IL1RAPL1: variants seen among roughly 807,000 people sequenced by gnomAD.
IL1RAPL1 encodes the protein interleukin-1 receptor accessory protein-like 1.
A neutral mutation model predicts 48.4 loss-of-function variants in IL1RAPL1; 3 were observed. The observed-to-expected ratio is 0.06, with a 90% CI of 0.03 to 0.16. The LOEUF is 0.16. IL1RAPL1 is among the 10% of genes least tolerant of loss of function. The probability of loss-of-function intolerance (pLI) is 1.00; values close to 1 mark genes in which losing one functional copy is unlikely to be tolerated. For missense variants in IL1RAPL1, 349 were observed against 530.6 expected, an observed-to-expected ratio of 0.66 and a Z score of 3.36; for synonymous variants, 185 against 187.7, an observed-to-expected ratio of 0.99 and a Z score of 0.12.
At chrX:29,665,015 T>A (rs145599327) in intron 5 of IL1RAPL1, among the ~76,000 whole-genome samples, 9,220 of 112,403 alleles carry the variant, frequency 0.082, 313 homozygotes, top group Middle Eastern at 0.2. Context: ...TAATAGGATG[T>A]TCTGAAGAAT....
At chrX:28,696,166 A>G (rs941846058) in intron 1 of IL1RAPL1, among the ~76,000 whole-genome samples, 1 of 111,014 alleles carries the variant, frequency 9.0e-6, no homozygotes, top group African/African-American at 3.3e-5. Context: ...CTTGCTTCCT[A>G]TTGGGCTTCT....
At chrX:29,610,629 ATTTTATTG>A (rs1417299689) in intron 5 of IL1RAPL1, among the ~76,000 whole-genome samples, 57 of 112,467 alleles carry the variant, frequency 5.1e-4, no homozygotes, top group African/African-American at 1.7e-3. Context: ...AGATGTCATC[ATTTTATTG>A]TTAACCTGAC....
intron 1 of IL1RAPL1, chrX:28,658,943 A>T: frequency 2.6e-6 from 1 of 384,024 alleles, no homozygotes; most frequent in Non-Finnish European, 4.4e-6. Context: ...ACTTGCAATC[A>T]CATACTTAGG....
intron 2 of IL1RAPL1, among the ~76,000 whole-genome samples, chrX:28,968,907 T>C (rs910383345): frequency 2.7e-5 from 3 of 112,949 alleles, no homozygotes; most frequent in Non-Finnish European, 3.8e-5. Flanking sequence ...GTCAGACTTA[T>C]TAGGTGTTGT....
intron 5 of IL1RAPL1, among the ~76,000 whole-genome samples, chrX:29,418,268 G>C (rs959942459): frequency 1.9e-5 from 2 of 104,266 alleles, no homozygotes; most frequent in Admixed American, 2.1e-4. Context: ...TGGGATTACA[G>C]GCCCACGCCA....
At position 28,796,406 on chromosome X, in the gene IL1RAPL1, C is replaced by T. The variant is rs758525623; in HGVS notation, c.82+6981C>T. On this transcript the variant is annotated intron_variant, in intron 2 of 10. Transcript: ENST00000378993. ...AAGTCAAGTCCCTTCGGCCTATGAG[C>T]CTGTAAAATCAAAAACAAGTTAGTT... Among the ~76,000 whole-genome samples the T allele has an allele frequency of 2.7e-5, 3 of 111,803 alleles. No individual in the cohort carries two copies. The South Asian group carries it at 1.1e-3, about 42-fold the overall frequency.
At chrX:28,868,050 A>G (rs373271149) in intron 2 of IL1RAPL1, among the ~76,000 whole-genome samples, 14 of 111,718 alleles carry the variant, frequency 1.3e-4, no homozygotes, top group African/African-American at 3.9e-4. Flanking sequence ...TGTTCTCACA[A>G]TCTTTTTATT....
chrX:29,565,546 C>T (rs1216336594), intron 5 of IL1RAPL1, among the ~76,000 whole-genome samples: 1 of 112,148 alleles, frequency 8.9e-6, no homozygotes, highest in Non-Finnish European at 1.9e-5. Context: ...TGTAGTTTTT[C>T]AGCTTCACTG....
chrX:29,053,861 C>T (rs947264161), intron 2 of IL1RAPL1, among the ~76,000 whole-genome samples: 3 of 111,375 alleles, frequency 2.7e-5, no homozygotes, highest in Admixed American at 9.6e-5. Context: ...TCAACTTTGT[C>T]GAATATCAGA....
intron 2 of IL1RAPL1, among the ~76,000 whole-genome samples, chrX:28,912,489 G>A (rs1923385530): frequency 9.1e-6 from 1 of 110,384 alleles, no homozygotes; most frequent in Non-Finnish European, 1.9e-5. Flanking sequence ...ATAGAGAAAT[G>A]ATAGAAAAAA....
At chrX:29,309,176 C>T (rs73460484) in intron 3 of IL1RAPL1, among the ~76,000 whole-genome samples, 4,424 of 111,803 alleles carry the variant, frequency 0.04, 229 homozygotes, top group African/African-American at 0.13. Context: ...TTATTCAAAG[C>T]TATTGTAATA....
rs1189697710 is a variant in IL1RAPL1 at position 29,861,725 on chromosome X, A to G, written c.779-55739A>G. On this transcript the variant is annotated intron_variant, in intron 6 of 10. Coordinates refer to ENST00000378993, the MANE Select transcript of IL1RAPL1 (RefSeq NM_014271.4). ...TAAAAAATAAAATAAAAATAATGAA[A>G]TAATAAACTGCATTTCTCAGAGGTG... Among the ~76,000 whole-genome samples, 7 of 111,708 alleles carry G rather than the reference A, an allele frequency of 6.3e-5. No homozygotes were observed. The East Asian group carries it at 2.0e-3, about 31-fold the overall frequency.
At chrX:29,533,691 T>C (rs1385591397) in intron 5 of IL1RAPL1, among the ~76,000 whole-genome samples, 1 of 112,288 alleles carries the variant, frequency 8.9e-6, no homozygotes, top group Non-Finnish European at 1.9e-5. Flanking sequence ...AAAGTGACTG[T>C]ACCACTTTAC....
chrX:29,719,461 C>T (rs1927572360), intron 6 of IL1RAPL1, among the ~76,000 whole-genome samples: 1 of 111,306 alleles, frequency 9.0e-6, no homozygotes, highest in Non-Finnish European at 1.9e-5. Context: ...CATGTCTAGC[C>T]AATGGTGGTG....
chrX:29,955,298 G>A lies in IL1RAPL1; in HGVS notation c.1569G>A (p.Glu523=), dbSNP rs767983380. 12 of 1,211,659 alleles carry A rather than the reference G, an allele frequency of 9.9e-6. No homozygotes were observed. In the South Asian group the frequency reaches 2.1e-4, roughly 21 times the overall value. Reference sequence around the variant, plus strand: ...TGAGAGGAATTATGAACTACCAGGAGGTGGAGGCCCTGAAGCACACCATCA... The same window carrying A: ...TGAGAGGAATTATGAACTACCAGGAAGTGGAGGCCCTGAAGCACACCATCA... ...SELRGIMNYQ[E]VEALKHTIKL... The change falls in exon 11 of 11, where the codon GAG becomes GAA. Residue 523 remains glutamate, a synonymous_variant. Coordinates refer to ENST00000378993, the MANE Select transcript of IL1RAPL1 (RefSeq NM_014271.4).
intron 8 of IL1RAPL1, among the ~76,000 whole-genome samples, chrX:29,931,186 G>T (rs75230182): frequency 9.1e-6 from 1 of 109,999 alleles, no homozygotes; most frequent in African/African-American, 3.3e-5. Context: ...TTTTTTTAAA[G>T]GTTAACAGAG....
At chrX:29,710,072 T>C (rs896259767) in intron 6 of IL1RAPL1, among the ~76,000 whole-genome samples, 9 of 111,939 alleles carry the variant, frequency 8.0e-5, no homozygotes, top group African/African-American at 2.9e-4. Flanking sequence ...AATATTTCTT[T>C]AAGGTTTTCC....
At chrX:29,361,512 A>G (rs1333008163) in intron 3 of IL1RAPL1, among the ~76,000 whole-genome samples, 6 of 108,873 alleles carry the variant, frequency 5.5e-5, no homozygotes, top group Non-Finnish European at 1.1e-4. Flanking sequence ...TTGATTTTCT[A>G]CTGAGAAGTG....
intron 2 of IL1RAPL1, among the ~76,000 whole-genome samples, chrX:29,189,514 C>T (rs1157685177): frequency 9.0e-6 from 1 of 110,942 alleles, no homozygotes; most frequent in African/African-American, 3.3e-5. Context: ...TATATAAGTT[C>T]TCAGAAGAAT....
Sources: gnomAD v4.1 joint callset for allele counts (sites outside exome capture counted in the v4.1 genomes callset) on GRCh38, gnomAD v4.1.1 for gene constraint, MANE v1.5 for transcripts, NCBI Gene and HGNC (gene_info 2026-07-23, HGNC 2026-07-21) for gene names.